Variants in RFX3 observed in about 807,000 individuals in gnomAD.
RFX3 encodes transcription factor RFX3.
Under a neutral mutation model 98.6 loss-of-function variants are expected in RFX3, and 14 were observed. That is an observed-to-expected ratio of 0.14 (90% CI 0.09 to 0.22). RFX3 has a LOEUF of 0.22. RFX3 is among the 10% of genes least tolerant of loss of function. The probability of loss-of-function intolerance (pLI) is 1.00; values close to 1 mark genes in which losing one functional copy is unlikely to be tolerated. For missense variants in RFX3, 639 were observed against 926.9 expected (o/e 0.69, Z 4.03); for synonymous variants, 383 against 328.4 (o/e 1.17, Z -1.80).
intron 11 of RFX3, 39 bp from the exon 12 acceptor site, chr9:3,266,344 T>C: frequency 2.3e-6 from 3 of 1,293,706 alleles, no homozygotes; most frequent in South Asian, 1.2e-5. Context: ...AAAAAAAGTA[T>C]GAAAGAATAT....
intron 14 of RFX3, among the ~76,000 whole-genome samples, chr9:3,254,602 A>G (rs2131071309): frequency 6.6e-6 from 1 of 151,048 alleles, no homozygotes; most frequent in African/African-American, 2.4e-5. Flanking sequence ...CAGTGGCGTG[A>G]TCTCTGCTCA....
intron 1 of RFX3, among the ~76,000 whole-genome samples, chr9:3,519,353 G>T (rs1818479220): frequency 6.6e-6 from 1 of 152,096 alleles, no homozygotes; most frequent in African/African-American, 2.4e-5. Context: ...GGAGGAAAAA[G>T]AATAATTATT....
intron 6 of RFX3, among the ~76,000 whole-genome samples, chr9:3,289,606 G>A (rs576525328): frequency 1.6e-4 from 24 of 152,188 alleles, no homozygotes; most frequent in African/African-American, 5.8e-4. Context: ...TGTCTCTCTT[G>A]TGAGACCTCA....
intron 2 of RFX3, among the ~76,000 whole-genome samples, chr9:3,360,164 T>C (rs987364528): frequency 6.6e-6 from 1 of 152,104 alleles, no homozygotes; most frequent in African/African-American, 2.4e-5. Context: ...GATAATTAAA[T>C]AAACTCTCTA....
intron 2 of RFX3, among the ~76,000 whole-genome samples, chr9:3,349,452 T>C (rs1218896988): frequency 6.6e-6 from 1 of 152,060 alleles, no homozygotes; most frequent in African/African-American, 2.4e-5. Context: ...TGTATTTAAT[T>C]TTGATTTAAT....
chr9:3,482,989 G>A (rs1587825409), intron 1 of RFX3, among the ~76,000 whole-genome samples: 1 of 152,188 alleles, frequency 6.6e-6, no homozygotes, highest in African/African-American at 2.4e-5. Context: ...TTGCTTTTGA[G>A]TTTAGCCATT....
At chr9:3,504,907 TA>T (rs1816699966) in intron 1 of RFX3, among the ~76,000 whole-genome samples, 1 of 14,030 alleles carries the variant, frequency 7.1e-5, no homozygotes, top group Non-Finnish European at 1.5e-4. Context: ...ATATTATATA[TA>T]TATATAATAT....
intron 6 of RFX3, among the ~76,000 whole-genome samples, chr9:3,289,585 G>A (rs994944626): frequency 1.3e-5 from 2 of 152,128 alleles, no homozygotes; most frequent in African/African-American, 2.4e-5. Flanking sequence ...CAAAACTACA[G>A]AGGAAAATGA....
At chr9:3,472,242 G>A (rs1393232797) in intron 1 of RFX3, among the ~76,000 whole-genome samples, 2 of 152,130 alleles carry the variant, frequency 1.3e-5, no homozygotes, top group Non-Finnish European at 2.9e-5. Context: ...ATATTAAGGT[G>A]TAAAGCAGTA....
At chr9:3,442,562 T>C (rs774257415) in intron 1 of RFX3, among the ~76,000 whole-genome samples, 35 of 152,012 alleles carry the variant, frequency 2.3e-4, no homozygotes, top group Non-Finnish European at 4.7e-4. Flanking sequence ...ACTGATGAAA[T>C]CCAAATAAAG....
intron 1 of RFX3, among the ~76,000 whole-genome samples, chr9:3,473,150 GA>G (rs1039520403): frequency 2.0e-4 from 31 of 152,088 alleles, no homozygotes; most frequent in African/African-American, 7.5e-4. Context: ...TTCACCTGTG[GA>G]ATTATCTCCA....
intron 6 of RFX3, among the ~76,000 whole-genome samples, chr9:3,291,515 A>G (rs1827353559): frequency 6.6e-6 from 1 of 152,188 alleles, no homozygotes; most frequent in South Asian, 2.1e-4. Flanking sequence ...TTTCTGTCCA[A>G]TCATGTTTCT....
intron 1 of RFX3, among the ~76,000 whole-genome samples, chr9:3,452,628 T>C (rs142518053): frequency 1.3e-3 from 198 of 152,264 alleles, no homozygotes; most frequent in African/African-American, 4.6e-3. Flanking sequence ...ATAACCACAA[T>C]TTAGATACAA....
At chr9:3,299,719 A>G (rs1219771690) in intron 5 of RFX3, among the ~76,000 whole-genome samples, 1 of 151,840 alleles carries the variant, frequency 6.6e-6, no homozygotes, top group East Asian at 1.9e-4. Flanking sequence ...TTAATCTTAA[A>G]CATTCTTTCA....
chr9:3,330,608 G>T (rs1832480021), intron 3 of RFX3, 91 bp from the exon 4 acceptor site: 2 of 1,250,868 alleles, frequency 1.6e-6, no homozygotes, highest in East Asian at 2.5e-5. Context: ...AAATATATTG[G>T]TTGGCTTAGC....
At chr9:3,398,932 A>AT (rs1201183296) in intron 1 of RFX3, among the ~76,000 whole-genome samples, 3 of 150,230 alleles carry the variant, frequency 2.0e-5, no homozygotes, top group African/African-American at 7.3e-5. Flanking sequence ...AAAAAAAAAA[A>AT]AAAAAAAAAT....
At chr9:3,484,169 T>TA (rs1355436354) in intron 1 of RFX3, among the ~76,000 whole-genome samples, 1 of 152,216 alleles carries the variant, frequency 6.6e-6, no homozygotes, top group Non-Finnish European at 1.5e-5. Flanking sequence ...TTGCTATAAA[T>TA]ATAGGAAACC....
chr9:3,267,884 T>A (rs114454412), intron 11 of RFX3, among the ~76,000 whole-genome samples: 1 of 151,910 alleles, frequency 6.6e-6, no homozygotes, highest in Non-Finnish European at 1.5e-5. Flanking sequence ...ATTTTCCATT[T>A]TTCCTACAAT....
intron 2 of RFX3, among the ~76,000 whole-genome samples, chr9:3,391,292 CT>C (rs1260850116): frequency 1.3e-5 from 2 of 151,970 alleles, no homozygotes; most frequent in Non-Finnish European, 2.9e-5. Flanking sequence ...CTGGAATATA[CT>C]GGGGAGCTTC....
Sources: allele counts gnomAD v4.1 joint callset (sites outside exome capture counted in the v4.1 genomes callset), GRCh38; gene constraint gnomAD v4.1.1; transcripts MANE v1.5; gene names NCBI Gene and HGNC (gene_info 2026-07-23, HGNC 2026-07-21).